Variants in SPTBN1 observed in about 807,000 individuals in gnomAD.
SPTBN1 encodes the protein spectrin beta chain, non-erythrocytic 1.
A neutral mutation model predicts 266.4 loss-of-function variants in SPTBN1; 32 were observed. That is an observed-to-expected ratio of 0.12 (90% CI 0.09 to 0.16). The LOEUF is 0.16. Ranked by LOEUF, SPTBN1 falls within the 10% of genes least tolerant of loss-of-function variation. The probability of loss-of-function intolerance (pLI) is 1.00; values close to 1 mark genes in which losing one functional copy is unlikely to be tolerated. For synonymous variants in SPTBN1, 1,336 were observed against 1,162.2 expected (o/e 1.15, Z -3.04); for missense variants, 2,296 against 3,067.1 (o/e 0.75, Z 5.94).
chr2:54,496,484 A>AT (rs533908385), intron 1 of SPTBN1, among the ~76,000 whole-genome samples: 1 of 151,048 alleles, frequency 6.6e-6, no homozygotes, highest in African/African-American at 2.4e-5. Context: ...AACAGCTAAC[A>AT]TTTTTTTTGG....
intron 10 of SPTBN1, 71 bp downstream of exon 10, chr2:54,623,667 C>A (rs1678139874): frequency 4.0e-6 from 5 of 1,240,850 alleles, no homozygotes; most frequent in Non-Finnish European, 4.6e-6. Context: ...TAGGTCTCGA[C>A]TGCTAAGAGG....
intron 4 of SPTBN1, among the ~76,000 whole-genome samples, chr2:54,615,313 G>T (rs72618663): frequency 0.28 from 42,096 of 152,002 alleles, 7,226 homozygotes; most frequent in Admixed American, 0.35. Flanking sequence ...ACAGAGCAGC[G>T]AAGCTTAAAA....
At chr2:54,616,436 A>G (rs1384133797) in intron 5 of SPTBN1, 138 bp downstream of exon 5, 4 of 600,588 alleles carry the variant, frequency 6.7e-6, no homozygotes, top group Non-Finnish European at 1.1e-5. Context: ...AGCAGTTGAT[A>G]TGACTTTTCA....
At chr2:54,568,349 CAAAAAAAAAAAA>C (rs888478845) in intron 2 of SPTBN1, among the ~76,000 whole-genome samples, 9 of 95,692 alleles carry the variant, frequency 9.4e-5, no homozygotes, top group East Asian at 3.1e-4. Context: ...GACTCTGTCT[CAAAAAAAAAAAA>C]AAAAAAAAAA....
chr2:54,530,984 C>T (rs1479872892), intron 2 of SPTBN1, among the ~76,000 whole-genome samples: 1 of 152,180 alleles, frequency 6.6e-6, no homozygotes, highest in Non-Finnish European at 1.5e-5. Flanking sequence ...ATCATCCACT[C>T]ATCTGTGGGG....
At chr2:54,486,100 G>A (rs1198048728) in intron 1 of SPTBN1, among the ~76,000 whole-genome samples, 2 of 148,002 alleles carry the variant, frequency 1.4e-5, no homozygotes, top group South Asian at 4.3e-4. Context: ...GGGAGGTGGG[G>A]GGGTCAGCCC....
chr2:54,642,246 C>G (rs1679621798), intron 18 of SPTBN1, among the ~76,000 whole-genome samples: 1 of 152,230 alleles, frequency 6.6e-6, no homozygotes, highest in Non-Finnish European at 1.5e-5. Context: ...GAGCTCCTTT[C>G]TCAGGTCTGT....
At chr2:54,655,039 C>G in intron 27 of SPTBN1, 31 bp from the exon 28 acceptor site, 3 of 1,600,074 alleles carry the variant, frequency 1.9e-6, no homozygotes, top group Non-Finnish European at 2.6e-6. Flanking sequence ...AGCTTGATCT[C>G]CTAACGGAGG....
At chr2:54,550,369 G>A (rs767557066) in intron 2 of SPTBN1, among the ~76,000 whole-genome samples, 29 of 152,156 alleles carry the variant, frequency 1.9e-4, no homozygotes, top group Non-Finnish European at 3.1e-4. Flanking sequence ...TGCTGAGGAG[G>A]AAGAAATGAC....
chr2:54,571,001 C>T (rs1164928220), intron 2 of SPTBN1, among the ~76,000 whole-genome samples: 4 of 151,962 alleles, frequency 2.6e-5, no homozygotes, highest in African/African-American at 9.7e-5. Flanking sequence ...ACGTTTATTC[C>T]TATAAAGGTT....
chr2:54,608,581 G>A (rs1677005020), intron 3 of SPTBN1, among the ~76,000 whole-genome samples: 1 of 152,156 alleles, frequency 6.6e-6, no homozygotes, highest in Admixed American at 6.5e-5. Context: ...CTACTAGAGG[G>A]GGAGTGATGG....
Position 54,621,469 on chromosome 2 carries a change from C to G in SPTBN1, c.833C>G (p.Ser278Cys), listed in dbSNP as rs774879476. The G allele has an allele frequency of 6.2e-7, 1 of 1,614,102 alleles. No homozygotes were observed. Among genetic ancestry groups the G allele is most frequent in the Non-Finnish European group, 8.5e-7 (1 of 1,179,990 alleles). The change falls in exon 8 of 36, where the codon TCT (serine) becomes TGT (cysteine). Residue 278 changes from serine (S) to cysteine (C), a missense_variant. Ser to Cys is a moderately radical substitution (Grantham distance 112). Around this residue, in one of 12 missense-constraint regions of SPTBN1, gnomAD observed 178 missense variants for 375.7 expected, o/e 0.47. Coordinates refer to ENST00000356805, the MANE Select transcript of SPTBN1 (RefSeq NM_003128.3). The part of the protein sequence containing the change: ...TYVVTYYHYF[S>C]KMKALAVEGK... Reference sequence around the variant, plus strand: ...GTGGTGACTTATTACCACTACTTCTCTAAGATGAAGGCCTTAGCTGTTGAA... The same window carrying G: ...GTGGTGACTTATTACCACTACTTCTGTAAGATGAAGGCCTTAGCTGTTGAA...
chr2:54,486,736 T>TA (rs370461438), intron 1 of SPTBN1, among the ~76,000 whole-genome samples: 3,307 of 132,074 alleles, frequency 0.025, 105 homozygotes, highest in African/African-American at 0.082. Flanking sequence ...AATAATAAAT[T>TA]AAAAAAAAAA....
chr2:54,493,427 G>A lies in SPTBN1; in HGVS notation c.-47-32945G>A, dbSNP rs61594594. 6.2e-3 allele frequency among the ~76,000 whole-genome samples: 928 copies of A among 150,370 alleles called. 10 individuals are homozygous for A. Among genetic ancestry groups the A allele is most frequent in the African/African-American group, 0.021 (876 of 41,290 alleles). On this transcript the variant is annotated intron_variant, in intron 1 of 35. Coordinates refer to ENST00000356805, the MANE Select transcript of SPTBN1 (RefSeq NM_003128.3). ...TTTTCTTTTTTGGGGGGTTGGGGGA[G>A]ACAGTCTAACTCTTGTCACGCAGAC...
At chr2:54,594,201 C>T (rs915424338) in intron 2 of SPTBN1, among the ~76,000 whole-genome samples, 1 of 151,732 alleles carries the variant, frequency 6.6e-6, no homozygotes, top group Non-Finnish European at 1.5e-5. Context: ...TGGAGCCAGC[C>T]TGCCTGGAGA....
intron 2 of SPTBN1, among the ~76,000 whole-genome samples, chr2:54,572,421 C>CTT (rs1674150637): frequency 6.6e-6 from 1 of 152,156 alleles, no homozygotes; most frequent in African/African-American, 2.4e-5. Flanking sequence ...GCTTTTCTAA[C>CTT]CGCGAGTGTC....
intron 2 of SPTBN1, among the ~76,000 whole-genome samples, chr2:54,590,828 A>T (rs1051496162): frequency 6.6e-6 from 1 of 152,228 alleles, no homozygotes; most frequent in Non-Finnish European, 1.5e-5. Flanking sequence ...TTTAAATGCC[A>T]GGTTCAGAGA....
Position 54,659,984 on chromosome 2 carries a change from A to G in SPTBN1, c.6405A>G (p.Glu2135=), listed in dbSNP as rs752187877. The G allele has an allele frequency of 8.4e-5, 135 of 1,614,050 alleles. No homozygotes were observed. The highest frequency in any genetic ancestry group is 1.1e-4 in the Non-Finnish European group (134 of 1,180,042). Residue 2135 remains glutamate, a synonymous_variant, in exon 32 of 36, where the codon GAA becomes GAG. Transcript: ENST00000356805. Reference sequence around the variant, plus strand: ...TTTCCCAAAACGGTTTGCCAGCTGAACAGGGATCTCCACGGGTTAGTTACC... The same window carrying G: ...TTTCCCAAAACGGTTTGCCAGCTGAGCAGGGATCTCCACGGGTTAGTTACC... ...EQVSQNGLPA[E]QGSPRMAETV...
At position 54,626,447 on chromosome 2, in the gene SPTBN1, T is replaced by C. The variant is rs769040319; in HGVS notation, c.1644+213T>C. Among the ~76,000 whole-genome samples, 2 of 152,254 alleles carry C rather than the reference T, an allele frequency of 1.3e-5. No homozygotes were observed. Among genetic ancestry groups the C allele is most frequent in the African/African-American group, 2.4e-5 (1 of 41,468 alleles). ...GAAAAAGTTGTAGAGACCAGTTCAG[T>C]AGCCAGAGCTCTGTTTCTGTGACTT... On this transcript the variant is annotated intron_variant, in intron 12 of 35. Transcript: ENST00000356805. The surrounding 1 kb of genome is among the most constrained non-coding windows in gnomAD (Gnocchi z 4.7).
Sources: allele counts gnomAD v4.1 joint callset (sites outside exome capture counted in the v4.1 genomes callset), GRCh38; gene constraint gnomAD v4.1.1; regional missense constraint gnomAD v4.1.1; non-coding constraint Gnocchi (gnomAD v3.1); transcripts MANE v1.5; gene names NCBI Gene and HGNC (gene_info 2026-07-23, HGNC 2026-07-21).